Variants in RPF2 observed in about 807,000 individuals in gnomAD.
RPF2 encodes brix domain containing 1.
Under a neutral mutation model 38.9 loss-of-function variants are expected in RPF2, and 21 were observed. That is an observed-to-expected ratio of 0.54 (90% CI 0.38 to 0.78). The LOEUF (loss-of-function observed/expected upper bound fraction) is 0.78. Ranked by LOEUF, RPF2 falls within the 30% of genes least tolerant of loss-of-function variation. The probability of loss-of-function intolerance (pLI) is 0.00; values close to 1 mark genes in which losing one functional copy is unlikely to be tolerated. For synonymous variants in RPF2, 121 were observed against 126.2 expected (o/e 0.96, Z 0.28); for missense variants, 314 against 358.1 (o/e 0.88, Z 0.99).
intron 7 of RPF2, among the ~76,000 whole-genome samples, chr6:111,013,064 A>G (rs1772047190): frequency 6.6e-6 from 1 of 152,346 alleles, no homozygotes; most frequent in East Asian, 1.9e-4. Context: ...CAGTGTATAT[A>G]CCACTTGCAT....
rs960974483 is a variant in RPF2, at chr6:111,025,430, G to T, written c.769G>T (p.Asp257Tyr). 6.2e-6 allele frequency: 10 copies of T among 1,605,716 alleles called. No homozygotes were observed. The Admixed American group carries it at 8.5e-5, about 14-fold the overall frequency. The change falls in exon 10 of 10, where the codon GAT (aspartate) becomes TAT (tyrosine). Residue 257 changes from aspartate to tyrosine, a missense_variant. Asp to Tyr is a radical substitution (Grantham distance 160). Coordinates refer to ENST00000441448, the MANE Select transcript of RPF2 (RefSeq NM_032194.3). ...KPKKKKNISH[D>Y]TFGTTYGRIH... The stretch of plus-strand genomic sequence containing the variant: ...AAAGAAGAAGAAAAATATTTCCCAT[G>T]ATACTTTTGGTACAACTTATGGAAG...
rs777929224 is a variant in RPF2 at position 110,982,544 on chromosome 6, A to G, written c.23+415A>G. On this transcript the variant is annotated intron_variant, in intron 1 of 9. Transcript: ENST00000441448. ...TAAATCTTAGCTTATTCTGTAAAAT[A>G]GCGCTCACCATAGTCATACTTCATA... The G allele has an allele frequency of 1.4e-4, 28 of 199,486 alleles. No homozygotes were observed. In the Middle Eastern group the frequency reaches 5.6e-3, roughly 40 times the overall value. The allele number at this position is 199,486 out of a possible 1,614,324, so 12.4% of individuals were successfully genotyped here.
chr6:111,004,519 A>T (rs901904465), intron 6 of RPF2, among the ~76,000 whole-genome samples: 2 of 151,084 alleles, frequency 1.3e-5, no homozygotes, highest in East Asian at 2.0e-4. Flanking sequence ...AGAGTAAAAA[A>T]TATCAGTGCT....
At chr6:110,990,234 G>A (rs980598685) in intron 3 of RPF2, among the ~76,000 whole-genome samples, 18 of 151,036 alleles carry the variant, frequency 1.2e-4, no homozygotes, top group Middle Eastern at 3.4e-3. Context: ...CACCGTGCCC[G>A]GCCCTAGTTT....
intron 8 of RPF2, among the ~76,000 whole-genome samples, chr6:111,021,301 T>G (rs888256719): frequency 2.0e-5 from 3 of 152,220 alleles, no homozygotes; most frequent in African/African-American, 7.2e-5. Flanking sequence ...AGTTTGAAAT[T>G]TTAAAATCAG....
intron 5 of RPF2, among the ~76,000 whole-genome samples, chr6:110,998,791 G>T (rs1238997329): frequency 6.6e-6 from 1 of 151,994 alleles, no homozygotes; most frequent in Non-Finnish European, 1.5e-5. Context: ...GCCAAGGAGA[G>T]GCAGGCTCCC....
chr6:111,016,755 G>A (rs9372295), intron 8 of RPF2, among the ~76,000 whole-genome samples: 21,837 of 145,270 alleles, frequency 0.15, 2,100 homozygotes, highest in East Asian at 0.51. Context: ...GGGTCATAGG[G>A]CAATAGTGGA....
intron 7 of RPF2, among the ~76,000 whole-genome samples, chr6:111,011,242 C>T (rs1772006605): frequency 6.6e-6 from 1 of 151,872 alleles, no homozygotes; most frequent in Non-Finnish European, 1.5e-5. Flanking sequence ...ATTTCCTTCT[C>T]TCAATATTAT....
At chr6:110,993,539 A>G (rs770431211) in intron 4 of RPF2, among the ~76,000 whole-genome samples, 3 of 152,326 alleles carry the variant, frequency 2.0e-5, no homozygotes, top group Non-Finnish European at 4.4e-5. Context: ...TCTCTTTCAT[A>G]TAGTACTTAA....
At chr6:111,005,929 A>G (rs1164769519) in intron 6 of RPF2, among the ~76,000 whole-genome samples, 2 of 152,144 alleles carry the variant, frequency 1.3e-5, no homozygotes, top group Non-Finnish European at 2.9e-5. Flanking sequence ...TTCCTGTCTC[A>G]GCCCCGACTA....
chr6:110,982,747 T>G (rs1250757652), intron 1 of RPF2, among the ~76,000 whole-genome samples: 1 of 152,238 alleles, frequency 6.6e-6, no homozygotes, highest in Non-Finnish European at 1.5e-5. Context: ...TGTTACTTGC[T>G]GTGATTTTCT....
At chr6:111,014,924 T>C (rs1339215708) in intron 7 of RPF2, among the ~76,000 whole-genome samples, 4 of 152,186 alleles carry the variant, frequency 2.6e-5, no homozygotes, top group Non-Finnish European at 5.9e-5. Flanking sequence ...CTCCAGTAGC[T>C]GGGACTACAA....
At chr6:110,989,201 T>C (rs546221365) in intron 3 of RPF2, 136 bp downstream of exon 3, 14,771 of 946,496 alleles carry the variant, frequency 0.016, 176 homozygotes, top group Non-Finnish European at 0.019. Flanking sequence ...TATTTTAATT[T>C]CTTTCTTTTG....
At chr6:110,999,849 T>C in intron 6 of RPF2, 62 bp downstream of exon 6, 1 of 926,146 alleles carries the variant, frequency 1.1e-6, no homozygotes. Flanking sequence ...TAGTGACATC[T>C]TGTGGTGAAG....
chr6:110,999,312 T>C (rs1046770607), intron 5 of RPF2, among the ~76,000 whole-genome samples: 4 of 152,024 alleles, frequency 2.6e-5, no homozygotes, highest in African/African-American at 9.7e-5. Context: ...ATGTACTAAA[T>C]CAATATTAGA....
chr6:111,000,718 G>A (rs1296687596), intron 6 of RPF2, among the ~76,000 whole-genome samples: 1 of 152,064 alleles, frequency 6.6e-6, no homozygotes, highest in Non-Finnish European at 1.5e-5. Flanking sequence ...ATTTCACCTA[G>A]ACCTCATAGC....
chr6:110,982,196 T>G, intron 1 of RPF2, 67 bp downstream of exon 1: 78 of 1,542,126 alleles, frequency 5.1e-5, no homozygotes, highest in Non-Finnish European at 6.6e-5. Context: ...AGGGTGGTAC[T>G]GTCTCGGCCT....
At chr6:111,008,017 G>GC in intron 6 of RPF2, 21 bp from the exon 7 acceptor site, 1 of 1,213,558 alleles carries the variant, frequency 8.2e-7, no homozygotes, top group Non-Finnish European at 1.1e-6. Flanking sequence ...TTATATAATT[G>GC]CTTTTTTTTT....
At chr6:111,007,733 T>G (rs1771936953) in intron 6 of RPF2, among the ~76,000 whole-genome samples, 1 of 151,980 alleles carries the variant, frequency 6.6e-6, no homozygotes. Context: ...TCATTTGAGG[T>G]CAGGAGTTTG....
Sources: gnomAD v4.1 joint callset for allele counts (sites outside exome capture counted in the v4.1 genomes callset) on GRCh38, gnomAD v4.1.1 for gene constraint, MANE v1.5 for transcripts, NCBI Gene and HGNC (gene_info 2026-07-23, HGNC 2026-07-21) for gene names.